Variants in SAA2 observed in about 807,000 individuals in gnomAD.
SAA2 encodes the protein serum amyloid A-2 protein.
SAA2 carries 5 observed loss-of-function variants against 9.1 expected under a neutral mutation model. The ratio of observed to expected loss-of-function variants is 0.55; its 90% CI spans 0.29 to 1.16. The LOEUF (loss-of-function observed/expected upper bound fraction) is 1.16. SAA2 is among the 50% of genes most tolerant of loss of function. The pLI, the probability that SAA2 is intolerant of heterozygous loss-of-function variation, is 0.09. For missense variants in SAA2, 94 were observed against 153.8 expected (o/e 0.61, Z 2.06); for synonymous variants, 49 against 59.8 (o/e 0.82, Z 0.83).
rs1857467183 is a variant in SAA2 at position 18,245,263 on chromosome 11, G to C, written c.*114C>G. ...AATTCCACCTCTTAAGCATTTATTAGATGCCTATTATATGCCATATCTCAG... is the reference window on the plus strand; with the variant it reads ...AATTCCACCTCTTAAGCATTTATTACATGCCTATTATATGCCATATCTCAG... On this transcript the variant is annotated 3_prime_UTR_variant, in exon 4 of 4. Transcript: ENST00000256733. The C allele has an allele frequency of 1.2e-5, 18 of 1,520,250 alleles. No homozygotes were observed. In the South Asian group the frequency reaches 2.2e-4, roughly 19 times the overall value. 94.2% of individuals were successfully genotyped at this position (1,520,250 alleles called of 1,614,324 possible). A position where few individuals can be genotyped will look rare whatever the true frequency, so the allele number is the denominator to read the frequency against.
chr11:18,246,101 A>G (rs1857523598), intron 2 of SAA2, 53 bp from the exon 3 acceptor site: 3 of 1,564,850 alleles, frequency 1.9e-6, no homozygotes, highest in Admixed American at 1.8e-5. Context: ...AAAGACTCCA[A>G]CAACACCTTA....
At chr11:18,246,979 G>A (rs1857575403) in intron 2 of SAA2, among the ~76,000 whole-genome samples, 2 of 152,182 alleles carry the variant, frequency 1.3e-5, no homozygotes, top group Admixed American at 1.3e-4. Context: ...ACCTCTGGGA[G>A]GTGGTCAGTG....
At chr11:18,241,427 T>C (rs1857342874), downstream of SAA2, among the ~76,000 whole-genome samples, 1 of 152,126 alleles carries the variant, frequency 6.6e-6, no homozygotes, top group Admixed American at 6.5e-5. Flanking sequence ...AAAATATACC[T>C]GAATGCATGT....
Position 18,240,104 on chromosome 11 carries a change from G to A in SAA2, c.231-135C>T, listed in dbSNP as rs1055260574. On this transcript the variant is annotated intron_variant, in intron 3 of 3. Coordinates refer to the SAA2 transcript ENST00000414546. ...TTATATACTATTCTTCATAGGGGAGGAGAAGATGGGGAATGTACACAAATT... is the reference window on the plus strand; with the variant it reads ...TTATATACTATTCTTCATAGGGGAGAAGAAGATGGGGAATGTACACAAATT... 4.0e-6 allele frequency: 5 copies of A among 1,246,210 alleles called. No individual in the cohort carries two copies. In the African/African-American group the frequency reaches 7.5e-5, roughly 19 times the overall value. The allele number at this position is 1,246,210 out of a possible 1,614,324, so 77.2% of individuals were successfully genotyped here. A position where few individuals can be genotyped will look rare whatever the true frequency, so the allele number is the denominator to read the frequency against.
chr11:18,238,627 C>T (rs1395666996), downstream of SAA2, among the ~76,000 whole-genome samples: 2 of 152,126 alleles, frequency 1.3e-5, no homozygotes, highest in African/African-American at 4.8e-5. Flanking sequence ...ATTGGGTATC[C>T]ATCCCCTCAA....
downstream of SAA2, among the ~76,000 whole-genome samples, chr11:18,243,745 T>C (rs1195287920): frequency 6.6e-6 from 1 of 152,230 alleles, no homozygotes; most frequent in East Asian, 1.9e-4. Flanking sequence ...GTCTTTACTC[T>C]GTAAATATAA....
chr11:18,241,758 G>A (rs2134135031), downstream of SAA2, among the ~76,000 whole-genome samples: 1 of 152,238 alleles, frequency 6.6e-6, no homozygotes, highest in East Asian at 1.9e-4. Context: ...AAAGATGGAG[G>A]GCAGAAGGGG....
chr11:18,244,148 G>A (rs924145512), downstream of SAA2, among the ~76,000 whole-genome samples: 1 of 152,228 alleles, frequency 6.6e-6, no homozygotes, highest in Non-Finnish European at 1.5e-5. Context: ...ATGTTTACCA[G>A]CAGCCCACTT....
Position 18,245,457 on chromosome 11 carries a change from C to T in SAA2, c.289G>A (p.Asp97Asn), listed in dbSNP as rs373197707. Residue 97 changes from aspartate (D) to asparagine (N), a missense_variant, in exon 4 of 4, where the codon GAT becomes AAT. By Grantham distance (23) the Asp-to-Asn change is conservative. This residue lies in a region of SAA2 where 62 missense variants were observed against 58.3 expected (regional missense o/e 1.06). Transcript: ENST00000256733. ...CTGCCCCATTTATTGGCAGCCTGATCGGCCAGCGAGTCCTCCGCACCACGG... is the reference window on the plus strand; with the variant it reads ...CTGCCCCATTTATTGGCAGCCTGATTGGCCAGCGAGTCCTCCGCACCACGG... Reference protein sequence around the residue: ...TGRGAEDSLADQAANKWGRSG... With the variant: ...TGRGAEDSLANQAANKWGRSG... The T allele has an allele frequency of 7.4e-6, 12 of 1,614,230 alleles. No individual in the cohort carries two copies. The East Asian group carries it at 2.0e-4, about 27-fold the overall frequency.
chr11:18,242,909 C>A, downstream of SAA2: 1 of 669,836 alleles, frequency 1.5e-6, no homozygotes, highest in South Asian at 1.6e-5. Flanking sequence ...CTTTCTCAAA[C>A]TTTTCTAACA....
chr11:18,247,509 T>A (rs1289082321), intron 2 of SAA2, among the ~76,000 whole-genome samples: 9 of 142,920 alleles, frequency 6.3e-5, no homozygotes, highest in Non-Finnish European at 1.1e-4. Context: ...AATCCTCGAC[T>A]CTCTAATCTG....
Position 18,245,274 on chromosome 11 carries a change from T to C in SAA2, c.*103A>G. The C allele has an allele frequency of 6.5e-7, 1 of 1,547,240 alleles. No homozygotes were observed. Among genetic ancestry groups the C allele is most frequent in the Non-Finnish European group, 8.7e-7 (1 of 1,146,320 alleles). ...TTAAGCATTTATTAGATGCCTATTA[T>C]ATGCCATATCTCAGCTTCTCTGGAC... On this transcript the variant is annotated 3_prime_UTR_variant, in exon 4 of 4. Transcript: ENST00000256733.
chr11:18,242,879 C>A (rs1857389349), downstream of SAA2: 1 of 692,582 alleles, frequency 1.4e-6, no homozygotes, highest in South Asian at 1.5e-5. Context: ...ACAACTATAA[C>A]AAAGAGCAAT....
chr11:18,245,342 A>G lies in SAA2; in HGVS notation c.*35T>C, dbSNP rs772875666. On this transcript the variant is annotated 3_prime_UTR_variant, in exon 4 of 4. Transcript: ENST00000256733. ...TGTATCCCTGCCCCGAGGGCCTCATAGCCAGGTCTCCTGAGAGCAGAGTGA... is the reference window on the plus strand; with the variant it reads ...TGTATCCCTGCCCCGAGGGCCTCATGGCCAGGTCTCCTGAGAGCAGAGTGA... 6.2e-7 allele frequency: 1 copy of G among 1,612,994 alleles called. No homozygotes were observed. Among genetic ancestry groups the G allele is most frequent in the Non-Finnish European group, 8.5e-7 (1 of 1,179,432 alleles).
At chr11:18,246,506 C>T (rs78805805) in intron 2 of SAA2, among the ~76,000 whole-genome samples, 2,118 of 152,310 alleles carry the variant, frequency 0.014, 23 homozygotes, top group Non-Finnish European at 0.023. Context: ...AATAGAGCAG[C>T]GGTTCTCCGC....
In SAA2 at chr11:18,240,183, A is replaced by G; in HGVS notation, c.231-214T>C. The G allele has an allele frequency of 1.7e-5, 12 of 722,540 alleles. No homozygotes were observed. In the South Asian group the frequency reaches 1.8e-4, roughly 11 times the overall value. The allele number at this position is 722,540 out of a possible 1,614,324, so 44.8% of individuals were successfully genotyped here. On this transcript the variant is annotated intron_variant, in intron 3 of 3. Transcript: ENST00000414546. ...GAATGAGTGGACCTGGGGAATAGAA[A>G]TTAACCTGTAAATGATTCTCTTGAA...
chr11:18,240,202 T>C (rs1857305592), intron 3 of SAA2: 2 of 717,656 alleles, frequency 2.8e-6, no homozygotes, highest in Non-Finnish European at 5.0e-6. Flanking sequence ...TAAATGATTC[T>C]CTTGAAATTT....
downstream of SAA2, chr11:18,245,215 A>C (rs1857465469): frequency 6.9e-7 from 1 of 1,443,414 alleles, no homozygotes; most frequent in East Asian, 2.5e-5. Context: ...TCAGCACCAA[A>C]AGAAGAACAC....
downstream of SAA2, chr11:18,242,714 C>T (rs563955174): frequency 1.2e-4 from 85 of 690,496 alleles, no homozygotes; most frequent in South Asian, 9.4e-4. Flanking sequence ...AGTGTCATGG[C>T]GCACATCTGC....
Sources: gnomAD v4.1 joint callset for allele counts (sites outside exome capture counted in the v4.1 genomes callset) on GRCh38, gnomAD v4.1.1 for gene constraint, gnomAD v4.1.1 regional missense constraint, MANE v1.5 for transcripts, NCBI Gene and HGNC (gene_info 2026-07-23, HGNC 2026-07-21) for gene names.